Variants in SCHIP1 observed in about 807,000 individuals in gnomAD.
The protein encoded by SCHIP1 is schwannomin-interacting protein 1.
A neutral mutation model predicts 29.7 loss-of-function variants in SCHIP1; 8 were observed. That is an observed-to-expected ratio of 0.27 (90% CI 0.16 to 0.49). SCHIP1 has a LOEUF of 0.49. Among genes scored for constraint, SCHIP1 ranks in the 20% least tolerant of loss-of-function variants. The pLI is 0.99. For missense variants in SCHIP1, 193 were observed against 294.6 expected (o/e 0.66, Z 2.52); for synonymous variants, 76 against 94.9 (o/e 0.80, Z 1.16).
At chr3:159,851,060 G>A (rs893095612) in intron 1 of SCHIP1, among the ~76,000 whole-genome samples, 6 of 152,144 alleles carry the variant, frequency 3.9e-5, no homozygotes, top group Admixed American at 6.5e-5. Context: ...GATCACCTGA[G>A]CCCAGGAGCT....
chr3:159,447,043 A>T, the SCHIP1 span, among the ~76,000 whole-genome samples: 3 of 152,150 alleles, frequency 2.0e-5, no homozygotes, highest in African/African-American at 7.2e-5. Context: ...TAAAAGGAAA[A>T]ACCTAGCCTC....
chr3:159,473,461 T>C, the SCHIP1 span, among the ~76,000 whole-genome samples: 2 of 151,962 alleles, frequency 1.3e-5, no homozygotes, highest in Admixed American at 1.3e-4. Flanking sequence ...AAAGAAATCA[T>C]AAAGAATTAC....
intron 1 of SCHIP1, chr3:159,853,489 A>C (rs1712927145): frequency 5.9e-6 from 4 of 677,084 alleles, no homozygotes; most frequent in South Asian, 4.8e-5. Context: ...GTTTATAAAC[A>C]ATTGAACCAT....
At chr3:159,672,964 A>G in the SCHIP1 span, among the ~76,000 whole-genome samples, 1 of 152,144 alleles carries the variant, frequency 6.6e-6, no homozygotes, top group Non-Finnish European at 1.5e-5. Flanking sequence ...CTCCCTATTC[A>G]CACCACAGGA....
the SCHIP1 span, among the ~76,000 whole-genome samples, chr3:159,378,127 A>G: frequency 6.6e-6 from 1 of 152,244 alleles, no homozygotes; most frequent in African/African-American, 2.4e-5. Flanking sequence ...TTCAGGCTGA[A>G]AAAAGGCTAT....
At chr3:159,504,490 C>T in the SCHIP1 span, among the ~76,000 whole-genome samples, 74 of 152,270 alleles carry the variant, frequency 4.9e-4, no homozygotes, top group African/African-American at 1.6e-3. Flanking sequence ...ATACATTCAA[C>T]AGGAAACTAA....
the SCHIP1 span, among the ~76,000 whole-genome samples, chr3:159,403,155 G>A: frequency 1.3e-5 from 2 of 152,022 alleles, no homozygotes; most frequent in South Asian, 2.1e-4. Flanking sequence ...AAAATGTAGG[G>A]ATAATCAAGA....
the SCHIP1 span, among the ~76,000 whole-genome samples, chr3:159,559,707 T>C: frequency 2.6e-5 from 4 of 152,090 alleles, no homozygotes; most frequent in African/African-American, 9.6e-5. Flanking sequence ...CATTATCATA[T>C]TCCCAGAGAG....
chr3:159,303,117 C>A, the SCHIP1 span, among the ~76,000 whole-genome samples: 1 of 152,052 alleles, frequency 6.6e-6, no homozygotes, highest in Non-Finnish European at 1.5e-5. Flanking sequence ...AGAGCATACA[C>A]TACAATCAGC....
At chr3:159,369,619 C>T in the SCHIP1 span, among the ~76,000 whole-genome samples, 2 of 152,078 alleles carry the variant, frequency 1.3e-5, no homozygotes, top group African/African-American at 4.8e-5. Context: ...TAGATAACTG[C>T]CCCCAAGTGA....
the SCHIP1 span, among the ~76,000 whole-genome samples, chr3:159,308,532 G>A: frequency 1.3e-5 from 2 of 152,094 alleles, no homozygotes; most frequent in African/African-American, 2.4e-5. Context: ...GTAAGACTAT[G>A]GAGAAAAGGG....
the SCHIP1 span, among the ~76,000 whole-genome samples, chr3:159,780,837 A>G: frequency 1.3e-5 from 2 of 152,178 alleles, no homozygotes; most frequent in Admixed American, 1.3e-4. Context: ...TGGTGTTAAT[A>G]CCAAGATTCA....
the SCHIP1 span, among the ~76,000 whole-genome samples, chr3:159,751,143 C>T: frequency 2.0e-5 from 3 of 152,190 alleles, no homozygotes; most frequent in Non-Finnish European, 4.4e-5. Context: ...TTAAAAAGTA[C>T]GTATGCATTG....
the SCHIP1 span, among the ~76,000 whole-genome samples, chr3:159,286,680 A>G: frequency 6.6e-6 from 1 of 152,190 alleles, no homozygotes; most frequent in Non-Finnish European, 1.5e-5. Context: ...ACTAATGTAC[A>G]TTTCTACCAG....
the SCHIP1 span, among the ~76,000 whole-genome samples, chr3:159,468,731 T>TAA: frequency 3.5e-5 from 5 of 143,530 alleles, no homozygotes; most frequent in Non-Finnish European, 7.5e-5. Context: ...TATATATATA[T>TAA]AATATAATAT....
At chr3:159,478,197 A>G in the SCHIP1 span, among the ~76,000 whole-genome samples, 5 of 152,128 alleles carry the variant, frequency 3.3e-5, no homozygotes, top group Non-Finnish European at 5.9e-5. Flanking sequence ...TGCTGGGATT[A>G]CAGGCATGAG....
the SCHIP1 span, among the ~76,000 whole-genome samples, chr3:159,418,989 C>G: frequency 6.6e-6 from 1 of 152,176 alleles, no homozygotes; most frequent in African/African-American, 2.4e-5. Context: ...AGTTTTCTCG[C>G]CCATGCAAGA....
At chr3:159,519,663 CT>C in the SCHIP1 span, among the ~76,000 whole-genome samples, 2 of 151,822 alleles carry the variant, frequency 1.3e-5, no homozygotes, top group Non-Finnish European at 1.5e-5. Context: ...CTCCCCTTTT[CT>C]TTTTTTAAAG....
At chr3:159,605,588 C>T in the SCHIP1 span, among the ~76,000 whole-genome samples, 23 of 152,170 alleles carry the variant, frequency 1.5e-4, no homozygotes, top group African/African-American at 5.3e-4. Context: ...CTCTTGAGGA[C>T]ACACATAAAA....
Sources: gnomAD v4.1 joint callset for allele counts (sites outside exome capture counted in the v4.1 genomes callset) on GRCh38, gnomAD v4.1.1 for gene constraint, MANE v1.5 for transcripts, NCBI Gene and HGNC (gene_info 2026-07-23, HGNC 2026-07-21) for gene names.